TBC1D19: variants seen among roughly 807,000 people sequenced by gnomAD.
The protein encoded by TBC1D19 is TBC1 domain family, member 19.
In TBC1D19, 60 loss-of-function variants were observed where a neutral mutation model predicts 89.0. That is an observed-to-expected ratio of 0.67 (90% CI 0.55 to 0.84). The LOEUF (loss-of-function observed/expected upper bound fraction) is 0.84, where lower values mean the gene tolerates loss of function less well. TBC1D19 is among the 40% of genes least tolerant of loss of function. The pLI is 0.00. For synonymous variants in TBC1D19, 189 were observed against 199.7 expected, an observed-to-expected ratio of 0.95 and a Z score of 0.45; for missense variants, 500 against 610.8, an observed-to-expected ratio of 0.82 and a Z score of 1.91.
At chr4:26,817,981 A>ATATATATATATATATATATATATATATAT in the TBC1D19 span, among the ~76,000 whole-genome samples, 2 of 126,050 alleles carry the variant, frequency 1.6e-5, no homozygotes, top group African/African-American at 7.4e-5. Flanking sequence ...AAAAAAAAAA[A>ATATATATATATATATATATATATATATAT]ATATATATAT....
chr4:26,717,693 C>T (rs1314191984), intron 13 of TBC1D19, among the ~76,000 whole-genome samples: 1 of 152,054 alleles, frequency 6.6e-6, no homozygotes, highest in African/African-American at 2.4e-5. Context: ...GAAGAGTCAA[C>T]TGTTAGTTAG....
At chr4:26,819,374 G>A in the TBC1D19 span, among the ~76,000 whole-genome samples, 1 of 152,178 alleles carries the variant, frequency 6.6e-6, no homozygotes, top group Admixed American at 6.5e-5. Flanking sequence ...CTCTGGGGTG[G>A]TTTTGCATCT....
chr4:26,613,086 G>A, intron 1 of TBC1D19, 83 bp from the exon 2 acceptor site: 1 of 1,003,612 alleles, frequency 1.0e-6, no homozygotes, highest in African/African-American at 1.7e-5. Flanking sequence ...CATTTCCTTT[G>A]TTCTAAATAT....
the TBC1D19 span, among the ~76,000 whole-genome samples, chr4:26,819,573 G>A: frequency 6.6e-6 from 1 of 152,290 alleles, no homozygotes; most frequent in African/African-American, 2.4e-5. Flanking sequence ...CATCATCATG[G>A]CAAAAGCTAT....
chr4:26,811,665 G>A, the TBC1D19 span, among the ~76,000 whole-genome samples: 8 of 152,350 alleles, frequency 5.3e-5, no homozygotes, highest in South Asian at 1.5e-3. Context: ...GAGCAGCCCC[G>A]AGGGCTGCTG....
chr4:26,591,465 GCTGGAGTC>G (rs1028071432), intron 1 of TBC1D19, among the ~76,000 whole-genome samples: 1 of 152,084 alleles, frequency 6.6e-6, no homozygotes, highest in African/African-American at 2.4e-5. Context: ...AAGAGAAAGA[GCTGGAGTC>G]CTTTAAAAAT....
At chr4:26,671,653 G>C (rs897029993) in intron 9 of TBC1D19, among the ~76,000 whole-genome samples, 2 of 151,718 alleles carry the variant, frequency 1.3e-5, no homozygotes, top group Non-Finnish European at 1.5e-5. Context: ...TAGCAGTAAG[G>C]CTTTTATTAG....
chr4:26,758,906 A>G (rs990899881), downstream of TBC1D19, among the ~76,000 whole-genome samples: 2 of 152,210 alleles, frequency 1.3e-5, no homozygotes, highest in African/African-American at 4.8e-5. Flanking sequence ...TCTTCTAATC[A>G]AGACACAACC....
At chr4:26,794,623 A>G in the TBC1D19 span, among the ~76,000 whole-genome samples, 1 of 152,204 alleles carries the variant, frequency 6.6e-6, no homozygotes, top group Non-Finnish European at 1.5e-5. Context: ...CATAGAGAAT[A>G]TGGAAAAGGT....
intron 7 of TBC1D19, 107 bp downstream of exon 7, chr4:26,640,294 G>T: frequency 1.1e-6 from 1 of 870,436 alleles, no homozygotes; most frequent in South Asian, 1.6e-5. Flanking sequence ...AAAAGCCCCA[G>T]AGTCACTGAA....
At chr4:26,779,346 G>C in the TBC1D19 span, among the ~76,000 whole-genome samples, 1 of 152,220 alleles carries the variant, frequency 6.6e-6, no homozygotes, top group African/African-American at 2.4e-5. Context: ...GGTGCTGCAG[G>C]CTCTTACAAG....
intron 4 of TBC1D19, among the ~76,000 whole-genome samples, chr4:26,628,754 T>C (rs553777537): frequency 1.3e-5 from 2 of 152,036 alleles, no homozygotes; most frequent in African/African-American, 4.8e-5. Context: ...GAACTCCCAT[T>C]CACAATTGCT....
intron 16 of TBC1D19, among the ~76,000 whole-genome samples, chr4:26,736,718 A>G (rs1718071168): frequency 6.6e-6 from 1 of 152,166 alleles, no homozygotes. Context: ...AAAGAATGCT[A>G]AGGAAGGAAC....
At chr4:26,851,503 T>C in the TBC1D19 span, among the ~76,000 whole-genome samples, 2 of 152,180 alleles carry the variant, frequency 1.3e-5, no homozygotes, top group African/African-American at 2.4e-5. Context: ...CAGAGACTTT[T>C]TCTATTACTG....
intron 8 of TBC1D19, chr4:26,662,925 G>C (rs1231331754): frequency 6.6e-6 from 1 of 152,132 alleles, no homozygotes; most frequent in African/African-American, 2.4e-5. Context: ...ATGGGACCCA[G>C]AAAACAGGAT....
chr4:26,638,700 T>G, intron 5 of TBC1D19, 71 bp from the exon 6 acceptor site: 1 of 1,171,720 alleles, frequency 8.5e-7, no homozygotes, highest in African/African-American at 1.5e-5. Context: ...AAGTTATTGA[T>G]TCTTGTTTTT....
At chr4:26,799,884 G>A in the TBC1D19 span, among the ~76,000 whole-genome samples, 739 of 152,194 alleles carry the variant, frequency 4.9e-3, 10 homozygotes, top group African/African-American at 0.017. Context: ...TGGGGAGCAG[G>A]GGAAGACTGT....
the TBC1D19 span, among the ~76,000 whole-genome samples, chr4:26,766,626 G>A: frequency 2.0e-5 from 3 of 152,152 alleles, no homozygotes; most frequent in Non-Finnish European, 4.4e-5. Flanking sequence ...CTGGACTGGA[G>A]ACAGAAGGAA....
chr4:26,758,961 A>C (rs919410894), downstream of TBC1D19, among the ~76,000 whole-genome samples: 3 of 152,126 alleles, frequency 2.0e-5, no homozygotes, highest in African/African-American at 7.2e-5. Flanking sequence ...CTACTGAACT[A>C]CTCGAAGTAC....
Sources: allele counts gnomAD v4.1 joint callset (sites outside exome capture counted in the v4.1 genomes callset), GRCh38; gene constraint gnomAD v4.1.1; transcripts MANE v1.5; gene names NCBI Gene and HGNC (gene_info 2026-07-23, HGNC 2026-07-21).